The following SLC25A21 variants were observed in gnomAD, a reference collection of about 807,000 sequenced individuals.
SLC25A21 encodes the protein solute carrier family 25 member 21, also known as mitochondrial 2-oxodicarboxylate carrier.
Under a neutral mutation model 43.8 loss-of-function variants are expected in SLC25A21, and 47 were observed. The observed-to-expected ratio is 1.07, with a 90% CI of 0.85 to 1.37. SLC25A21 has a LOEUF of 1.37. Ranked by LOEUF, SLC25A21 falls within the 40% of genes most tolerant of loss-of-function variation. The pLI is 0.00. For missense variants in SLC25A21, 352 were observed against 350.2 expected (o/e 1.00, Z -0.04); for synonymous variants, 131 against 121.3 (o/e 1.08, Z -0.52).
intron 1 of SLC25A21, among the ~76,000 whole-genome samples, chr14:37,060,379 CTAATAATAA>C (rs71124787): frequency 0.03 from 4,116 of 138,072 alleles, 162 homozygotes; most frequent in African/African-American, 0.096. Context: ...ACTCTACTCT[CTAATAATAA>C]TAATAATAAT....
intron 2 of SLC25A21, among the ~76,000 whole-genome samples, chr14:36,861,339 C>T (rs944793520): frequency 2.2e-4 from 34 of 152,176 alleles, no homozygotes; most frequent in African/African-American, 7.7e-4. Context: ...CATAGCCTTC[C>T]GCTGTGCTAG....
intron 3 of SLC25A21, among the ~76,000 whole-genome samples, chr14:36,738,715 TTA>T (rs1885138875): frequency 6.6e-6 from 1 of 152,198 alleles, no homozygotes; most frequent in Non-Finnish European, 1.5e-5. Flanking sequence ...ATGGCAGCCT[TTA>T]TATTTTGTTC....
rs1472840143 is a variant in SLC25A21 at position 36,725,565 on chromosome 14, G to T, written c.438+5C>A. 7 of 1,503,978 alleles carry T rather than the reference G, an allele frequency of 4.7e-6. No homozygotes were observed. Among genetic ancestry groups the T allele is most frequent in the Non-Finnish European group, 5.4e-6 (6 of 1,118,326 alleles). The allele number at this position is 1,503,978 out of a possible 1,614,324, so 93.2% of individuals were successfully genotyped here. A position where few individuals can be genotyped will look rare whatever the true frequency, so the allele number is the denominator to read the frequency against. ...CCTAACAATAGAAAAACATTAAATGGTTACCTCTGCAAATGTGTTCCGATT... is the reference window on the plus strand; with the variant it reads ...CCTAACAATAGAAAAACATTAAATGTTTACCTCTGCAAATGTGTTCCGATT... On this transcript the variant is annotated splice_donor_5th_base_variant and intron_variant, in intron 6 of 9. Transcript: ENST00000331299.
At chr14:36,682,527 C>T (rs1882323676) in intron 9 of SLC25A21, among the ~76,000 whole-genome samples, 1 of 152,146 alleles carries the variant, frequency 6.6e-6, no homozygotes, top group African/African-American at 2.4e-5. Flanking sequence ...CAGTCAATTA[C>T]CATTTTAGCT....
intron 1 of SLC25A21, among the ~76,000 whole-genome samples, chr14:37,030,608 G>C (rs1011370357): frequency 6.6e-6 from 1 of 152,032 alleles, no homozygotes; most frequent in African/African-American, 2.4e-5. Flanking sequence ...CCTTCTTTTT[G>C]ACAGAATTCC....
chr14:37,160,163 CA>C (rs1000159686), intron 1 of SLC25A21, among the ~76,000 whole-genome samples: 1 of 151,830 alleles, frequency 6.6e-6, no homozygotes, highest in South Asian at 2.1e-4. Context: ...AGATTTCACA[CA>C]AAAAAAACTA....
At chr14:37,160,383 C>A (rs1433475834) in intron 1 of SLC25A21, among the ~76,000 whole-genome samples, 1 of 152,086 alleles carries the variant, frequency 6.6e-6, no homozygotes, top group Non-Finnish European at 1.5e-5. Context: ...TACTATTTGG[C>A]CATTAAAAAA....
intron 7 of SLC25A21, among the ~76,000 whole-genome samples, chr14:36,691,444 A>G (rs902533393): frequency 2.0e-5 from 3 of 152,244 alleles, no homozygotes; most frequent in African/African-American, 7.2e-5. Context: ...TAATTCCATA[A>G]TTAGCTCCAA....
intron 3 of SLC25A21, among the ~76,000 whole-genome samples, chr14:36,757,058 A>T (rs1885961192): frequency 6.7e-6 from 1 of 148,902 alleles, no homozygotes; most frequent in African/African-American, 2.5e-5. Context: ...GTTCAAGACC[A>T]GCCTGGGCAA....
At chr14:36,687,683 C>T (rs925975891) in intron 7 of SLC25A21, among the ~76,000 whole-genome samples, 2 of 152,184 alleles carry the variant, frequency 1.3e-5, no homozygotes, top group African/African-American at 4.8e-5. Flanking sequence ...ACTGTCTCAG[C>T]TCGCCTCTGC....
At chr14:36,769,837 G>T (rs1195897032) in intron 3 of SLC25A21, among the ~76,000 whole-genome samples, 1 of 152,054 alleles carries the variant, frequency 6.6e-6, no homozygotes, top group East Asian at 1.9e-4. Context: ...CTTTAATTAA[G>T]ATTTCTTACT....
intron 1 of SLC25A21, among the ~76,000 whole-genome samples, chr14:36,882,360 G>C (rs1242330137): frequency 5.9e-5 from 9 of 152,264 alleles, no homozygotes; most frequent in Admixed American, 5.9e-4. Flanking sequence ...TCTAGCCTGG[G>C]CGACAGAGGG....
chr14:36,941,596 C>G (rs2138649759), intron 1 of SLC25A21, among the ~76,000 whole-genome samples: 1 of 151,864 alleles, frequency 6.6e-6, no homozygotes, highest in East Asian at 1.9e-4. Flanking sequence ...TTAATTATGG[C>G]ATGGAATTTT....
At chr14:36,996,537 C>T (rs111493450) in intron 1 of SLC25A21, among the ~76,000 whole-genome samples, 185 of 152,246 alleles carry the variant, frequency 1.2e-3, no homozygotes, top group Non-Finnish European at 2.2e-3. Flanking sequence ...GAAAAGTAAG[C>T]TGTTGATTAA....
At chr14:36,936,572 G>A (rs186555081) in intron 1 of SLC25A21, among the ~76,000 whole-genome samples, 2 of 152,188 alleles carry the variant, frequency 1.3e-5, no homozygotes, top group Admixed American at 1.3e-4. Context: ...CAGAATAAAT[G>A]GAAATCACCT....
At chr14:36,988,556 T>A (rs1301998862) in intron 1 of SLC25A21, among the ~76,000 whole-genome samples, 13 of 152,180 alleles carry the variant, frequency 8.5e-5, no homozygotes. Flanking sequence ...TGATAAGATA[T>A]GGTTGCTGTC....
intron 7 of SLC25A21, among the ~76,000 whole-genome samples, chr14:36,697,680 C>T (rs1019198949): frequency 4.7e-5 from 7 of 149,730 alleles, no homozygotes; most frequent in Non-Finnish European, 7.4e-5. Context: ...TTCTTTGTCT[C>T]TTTTGATCTT....
At chr14:37,045,382 A>C (rs142835762) in intron 1 of SLC25A21, among the ~76,000 whole-genome samples, 1 of 152,294 alleles carries the variant, frequency 6.6e-6, no homozygotes, top group East Asian at 1.9e-4. Context: ...ATTACTTTCC[A>C]TTATTTAAGG....
intron 1 of SLC25A21, among the ~76,000 whole-genome samples, chr14:37,049,862 A>T (rs542477759): frequency 3.3e-5 from 5 of 152,344 alleles, no homozygotes; most frequent in Non-Finnish European, 7.3e-5. Context: ...AAAATCTGGC[A>T]TGTATTTACA....
Sources: gnomAD v4.1 joint callset for allele counts (sites outside exome capture counted in the v4.1 genomes callset) on GRCh38, gnomAD v4.1.1 for gene constraint, MANE v1.5 for transcripts, NCBI Gene and HGNC (gene_info 2026-07-23, HGNC 2026-07-21) for gene names.